CCDC91: variants seen among roughly 807,000 people sequenced by gnomAD.
The protein encoded by CCDC91 is coiled-coil domain containing 91.
In CCDC91, 48 loss-of-function variants were observed where a neutral mutation model predicts 63.2. The observed-to-expected ratio is 0.76, with a 90% CI of 0.60 to 0.97. CCDC91 has a LOEUF of 0.97. CCDC91 is among the 50% of genes least tolerant of loss of function. CCDC91 has a pLI of 0.00. For synonymous variants in CCDC91, 167 were observed against 165.8 expected, an observed-to-expected ratio of 1.01 and a Z score of -0.06; for missense variants, 500 against 494.6, an observed-to-expected ratio of 1.01 and a Z score of -0.10.
At chr12:28,278,080 T>C (rs1229651189) in intron 3 of CCDC91, among the ~76,000 whole-genome samples, 1 of 152,120 alleles carries the variant, frequency 6.6e-6, no homozygotes, top group Admixed American at 6.6e-5. Context: ...ATAGCCCAGT[T>C]TAAATGGCTC....
chr12:28,481,455 G>T (rs1451776027), intron 11 of CCDC91, among the ~76,000 whole-genome samples: 1 of 151,938 alleles, frequency 6.6e-6, no homozygotes, highest in East Asian at 1.9e-4. Context: ...CTGTTTGAAT[G>T]TACTTATTGG....
intron 8 of CCDC91, among the ~76,000 whole-genome samples, chr12:28,418,306 A>G (rs1416716497): frequency 6.6e-6 from 1 of 152,170 alleles, no homozygotes; most frequent in Admixed American, 6.6e-5. Context: ...GTAGAAACTG[A>G]CAACAATTGC....
intron 8 of CCDC91, among the ~76,000 whole-genome samples, chr12:28,413,796 G>A (rs573506205): frequency 1.3e-5 from 2 of 152,278 alleles, no homozygotes; most frequent in South Asian, 4.1e-4. Flanking sequence ...CAATTGACAT[G>A]AAATAATACT....
At chr12:28,317,728 G>A (rs1227497439) in intron 6 of CCDC91, among the ~76,000 whole-genome samples, 1 of 151,776 alleles carries the variant, frequency 6.6e-6, no homozygotes. Flanking sequence ...ATGTGTAGGG[G>A]TGAGTGCAGT....
chr12:28,521,777 C>A (rs980521501), intron 12 of CCDC91, among the ~76,000 whole-genome samples: 2 of 152,100 alleles, frequency 1.3e-5, no homozygotes, highest in Non-Finnish European at 2.9e-5. Flanking sequence ...GAGTTTTTAG[C>A]TTGAAGCGTT....
chr12:28,456,395 A>G (rs1172528315), intron 11 of CCDC91, among the ~76,000 whole-genome samples: 5 of 152,150 alleles, frequency 3.3e-5, no homozygotes, highest in African/African-American at 1.2e-4. Context: ...TAGTTAGGAA[A>G]GAAGCCAAAC....
chr12:28,403,597 G>GC (rs920372766), intron 8 of CCDC91, among the ~76,000 whole-genome samples: 12 of 151,984 alleles, frequency 7.9e-5, no homozygotes, highest in South Asian at 4.2e-4. Flanking sequence ...CTTCCCAAAT[G>GC]CCCCCCCTCC....
At chr12:28,262,016 C>G (rs193238710) in intron 3 of CCDC91, among the ~76,000 whole-genome samples, 1 of 151,950 alleles carries the variant, frequency 6.6e-6, no homozygotes. Context: ...TATCTTTTTC[C>G]TTTGTTAGTT....
At chr12:28,390,145 AAGTT>A (rs1945843500) in intron 7 of CCDC91, among the ~76,000 whole-genome samples, 1 of 152,028 alleles carries the variant, frequency 6.6e-6, no homozygotes, top group Non-Finnish European at 1.5e-5. Context: ...TTGCACAAGA[AAGTT>A]AGTTTGAAAA....
intron 3 of CCDC91, chr12:28,304,593 A>G (rs1215088912): frequency 1.1e-6 from 1 of 909,000 alleles, no homozygotes; most frequent in Admixed American, 3.1e-5. Flanking sequence ...TATTTTGTTT[A>G]TATCTAATGG....
At chr12:28,473,337 C>T (rs767979941) in intron 11 of CCDC91, among the ~76,000 whole-genome samples, 1 of 152,162 alleles carries the variant, frequency 6.6e-6, no homozygotes, top group Non-Finnish European at 1.5e-5. Flanking sequence ...ATGGCCTAGT[C>T]AGCACAAACA....
At chr12:28,413,165 T>TC (rs138086075) in intron 8 of CCDC91, among the ~76,000 whole-genome samples, 1,988 of 152,274 alleles carry the variant, frequency 0.013, 50 homozygotes, top group African/African-American at 0.045. Context: ...AACCACCTCT[T>TC]GAGAACTACT....
At chr12:28,344,397 G>A (rs1390183103) in intron 6 of CCDC91, among the ~76,000 whole-genome samples, 1 of 151,974 alleles carries the variant, frequency 6.6e-6, no homozygotes, top group Non-Finnish European at 1.5e-5. Context: ...GTAAAATATA[G>A]AGTAGAAGAA....
intron 3 of CCDC91, among the ~76,000 whole-genome samples, chr12:28,296,126 A>T (rs1376127276): frequency 6.6e-6 from 1 of 151,352 alleles, no homozygotes; most frequent in Non-Finnish European, 1.5e-5. Context: ...GGGGAATGAA[A>T]TTTTTTTAAA....
chr12:28,450,983 A>C (rs564227789), intron 10 of CCDC91, among the ~76,000 whole-genome samples: 1 of 151,864 alleles, frequency 6.6e-6, no homozygotes, highest in East Asian at 1.9e-4. Flanking sequence ...GAAAAATACT[A>C]TTTATATACC....
chr12:28,487,504 T>G (rs1398380779), intron 12 of CCDC91, among the ~76,000 whole-genome samples: 1 of 151,812 alleles, frequency 6.6e-6, no homozygotes, highest in African/African-American at 2.4e-5. Flanking sequence ...AAACAAAAGT[T>G]TTTTAGCAAA....
intron 6 of CCDC91, among the ~76,000 whole-genome samples, chr12:28,339,622 A>C (rs1376363490): frequency 1.3e-5 from 2 of 152,210 alleles, no homozygotes; most frequent in African/African-American, 4.8e-5. Context: ...TGATATATAA[A>C]GTATGCAGAA....
At chr12:28,371,937 T>C (rs1447019751) in intron 7 of CCDC91, among the ~76,000 whole-genome samples, 1 of 152,188 alleles carries the variant, frequency 6.6e-6, no homozygotes, top group African/African-American at 2.4e-5. Context: ...CTTCCTTTAG[T>C]ATTTATTTTC....
chr12:28,208,871 G>T (rs1456054450), intron 1 of CCDC91, among the ~76,000 whole-genome samples: 3 of 152,044 alleles, frequency 2.0e-5, no homozygotes, highest in Non-Finnish European at 4.4e-5. Context: ...CATGATCTTG[G>T]CTCACTGCAA....
Sources: gnomAD v4.1 joint callset for allele counts (sites outside exome capture counted in the v4.1 genomes callset) on GRCh38, gnomAD v4.1.1 for gene constraint, MANE v1.5 for transcripts, NCBI Gene and HGNC (gene_info 2026-07-23, HGNC 2026-07-21) for gene names.